Variants in NRXN3 observed in about 807,000 individuals in gnomAD.
NRXN3 encodes the protein neurexin III.
A neutral mutation model predicts 137.6 loss-of-function variants in NRXN3; 32 were observed. That is an observed-to-expected ratio of 0.23 (90% CI 0.18 to 0.31). The LOEUF (loss-of-function observed/expected upper bound fraction) is 0.31, where lower values mean the gene tolerates loss of function less well. Among genes scored for constraint, NRXN3 ranks in the 10% least tolerant of loss-of-function variants. The pLI, the probability that NRXN3 is intolerant of heterozygous loss-of-function variation, is 1.00. For missense variants in NRXN3, 1,574 were observed against 2,062.5 expected (o/e 0.76, Z 4.59); for synonymous variants, 798 against 784.5 (o/e 1.02, Z -0.29).
intron 10 of NRXN3, among the ~76,000 whole-genome samples, chr14:78,816,400 T>C (rs1446873078): frequency 1.3e-5 from 2 of 152,116 alleles, no homozygotes; most frequent in Non-Finnish European, 2.9e-5. Flanking sequence ...TGCTCCTCCT[T>C]CTTTTTGACA....
intron 15 of NRXN3, among the ~76,000 whole-genome samples, chr14:79,174,416 C>T (rs959524151): frequency 1.3e-5 from 2 of 150,960 alleles, no homozygotes; most frequent in Admixed American, 6.6e-5. Context: ...CTCCTATTGC[C>T]GTTTGAGATG....
chr14:79,730,671 A>T (rs968111192), intron 19 of NRXN3, among the ~76,000 whole-genome samples: 24 of 152,182 alleles, frequency 1.6e-4, no homozygotes, highest in South Asian at 4.1e-4. Flanking sequence ...TGAGTTGTAG[A>T]TATTAACTAT....
At chr14:78,502,492 A>G (rs2095898029) in intron 4 of NRXN3, among the ~76,000 whole-genome samples, 1 of 152,192 alleles carries the variant, frequency 6.6e-6, no homozygotes, top group African/African-American at 2.4e-5. Context: ...TAACAATGCT[A>G]TAAGTCTGCT....
intron 8 of NRXN3, among the ~76,000 whole-genome samples, chr14:78,771,677 A>T (rs553114156): frequency 2.0e-5 from 3 of 152,360 alleles, no homozygotes; most frequent in African/African-American, 7.2e-5. Context: ...GAATGGCCTG[A>T]GTAGAATAGA....
intron 10 of NRXN3, among the ~76,000 whole-genome samples, chr14:78,943,620 AAAT>A (rs1567777617): frequency 3.1e-5 from 1 of 32,096 alleles, no homozygotes. Context: ...TAAAAAAAAA[AAAT>A]ATATATATAT....
chr14:78,614,887 T>C (rs2097332403), intron 4 of NRXN3: 2 of 453,304 alleles, frequency 4.4e-6, no homozygotes, highest in Admixed American at 4.7e-5. Flanking sequence ...AGCTGGGGGC[T>C]CAGCAGCTAG....
chr14:79,043,091 A>C (rs2099627639), intron 15 of NRXN3, among the ~76,000 whole-genome samples: 1 of 152,210 alleles, frequency 6.6e-6, no homozygotes, highest in Non-Finnish European at 1.5e-5. Flanking sequence ...TGTTAAATCA[A>C]GCAGCCAGAC....
rs1744744497 is a variant in NRXN3 at position 79,700,514 on chromosome 14, G to A, written c.4014+2577G>A. Among the ~76,000 whole-genome samples the A allele has an allele frequency of 1.3e-5, 2 of 151,982 alleles. 1 individual carries two copies. The highest frequency in any genetic ancestry group is 4.1e-4 in the South Asian group (2 of 4,822). ...GACTCCTCTAGGAGAAAGAAAATAA[G>A]CATGTCAGTCCACCAGTATAAAAAC... On this transcript the variant is annotated intron_variant, in intron 19 of 20. Coordinates refer to ENST00000335750, the MANE Select transcript of NRXN3 (RefSeq NM_001330195.2).
At chr14:79,224,402 T>C (rs1436936022) in intron 15 of NRXN3, among the ~76,000 whole-genome samples, 2 of 152,202 alleles carry the variant, frequency 1.3e-5, no homozygotes, top group African/African-American at 4.8e-5. Flanking sequence ...TTTAAAACTT[T>C]AATAATTATA....
chr14:78,671,715 G>A (rs2152715509), intron 6 of NRXN3, among the ~76,000 whole-genome samples: 2 of 152,002 alleles, frequency 1.3e-5, no homozygotes, highest in Non-Finnish European at 2.9e-5. Flanking sequence ...TAATTGATTA[G>A]CTCTATCATT....
At chr14:79,806,782 G>A (rs749204144) in intron 20 of NRXN3, among the ~76,000 whole-genome samples, 22 of 149,018 alleles carry the variant, frequency 1.5e-4, no homozygotes, top group East Asian at 2.0e-4. Context: ...AACTCCTCGC[G>A]TAATTCAATT....
At chr14:78,850,888 G>A (rs1446933532) in intron 10 of NRXN3, among the ~76,000 whole-genome samples, 1 of 152,148 alleles carries the variant, frequency 6.6e-6, no homozygotes, top group Non-Finnish European at 1.5e-5. Flanking sequence ...ACATTCTTCT[G>A]TTTTACTGCT....
chr14:79,284,702 T>C (rs2081967057), intron 15 of NRXN3, among the ~76,000 whole-genome samples: 1 of 152,114 alleles, frequency 6.6e-6, no homozygotes, highest in Non-Finnish European at 1.5e-5. Flanking sequence ...GGCCCCCTTG[T>C]GACACATGAT....
intron 10 of NRXN3, among the ~76,000 whole-genome samples, chr14:78,892,948 T>G (rs2099163520): frequency 6.6e-6 from 1 of 151,930 alleles, no homozygotes; most frequent in South Asian, 2.1e-4. Context: ...ATGACTGTGC[T>G]CTGAAGTGGT....
chr14:78,763,691 C>A (rs1008857682), intron 8 of NRXN3, among the ~76,000 whole-genome samples: 1 of 151,998 alleles, frequency 6.6e-6, no homozygotes, highest in Non-Finnish European at 1.5e-5. Flanking sequence ...CAGAAACATA[C>A]GGAGATTGTA....
intron 4 of NRXN3, among the ~76,000 whole-genome samples, chr14:78,538,648 A>G (rs1052716874): frequency 2.7e-5 from 4 of 150,020 alleles, no homozygotes; most frequent in Admixed American, 2.0e-4. Flanking sequence ...TTCCAACACT[A>G]TGTTGAATGG....
chr14:78,776,488 G>A (rs985606512), intron 8 of NRXN3, among the ~76,000 whole-genome samples: 3 of 152,156 alleles, frequency 2.0e-5, no homozygotes, highest in African/African-American at 4.8e-5. Context: ...ACTATGAGAA[G>A]AAATTTATAG....
At chr14:79,258,315 G>T (rs1330112797) in intron 15 of NRXN3, among the ~76,000 whole-genome samples, 2 of 151,900 alleles carry the variant, frequency 1.3e-5, no homozygotes, top group African/African-American at 4.8e-5. Context: ...CTCGATTCTG[G>T]TGCCTCAGCC....
At chr14:78,421,759 A>G (rs1013977063) in intron 4 of NRXN3, among the ~76,000 whole-genome samples, 5 of 152,180 alleles carry the variant, frequency 3.3e-5, no homozygotes, top group African/African-American at 4.8e-5. Context: ...TTGTGAGCTC[A>G]TGCGATCTGC....
Sources: gnomAD v4.1 joint callset for allele counts (sites outside exome capture counted in the v4.1 genomes callset) on GRCh38, gnomAD v4.1.1 for gene constraint, MANE v1.5 for transcripts, NCBI Gene and HGNC (gene_info 2026-07-23, HGNC 2026-07-21) for gene names.